ZNF326: variants seen among roughly 807,000 people sequenced by gnomAD.
ZNF326 encodes DBIRD complex subunit ZNF326.
In ZNF326, 30 loss-of-function variants were observed where a neutral mutation model predicts 63.1. The observed-to-expected ratio is 0.48, with a 90% CI of 0.36 to 0.64. The LOEUF (loss-of-function observed/expected upper bound fraction) is 0.64. Ranked by LOEUF, ZNF326 falls within the 30% of genes least tolerant of loss-of-function variation. ZNF326 has a pLI of 0.00. For synonymous variants in ZNF326, 194 were observed against 228.2 expected (o/e 0.85, Z 1.35); for missense variants, 609 against 720.3 (o/e 0.85, Z 1.77).
chr1:89,995,345 C>G, intron 1 of ZNF326, 72 bp downstream of exon 1: 1 of 1,507,254 alleles, frequency 6.6e-7, no homozygotes, highest in Non-Finnish European at 8.9e-7. Flanking sequence ...GTCTGTTTAC[C>G]GTCTCAAGAT....
intron 7 of ZNF326, among the ~76,000 whole-genome samples, chr1:90,016,909 T>C (rs939958636): frequency 6.6e-6 from 1 of 152,222 alleles, no homozygotes; most frequent in East Asian, 1.9e-4. Flanking sequence ...TATGATTGTC[T>C]GGTGGTGTGC....
intron 11 of ZNF326, among the ~76,000 whole-genome samples, chr1:90,023,594 A>AT (rs1158953663): frequency 6.6e-6 from 1 of 152,144 alleles, no homozygotes; most frequent in African/African-American, 2.4e-5. Flanking sequence ...TTGAAATCCA[A>AT]TTTTATGAGA....
chr1:90,006,354 A>T (rs1391169942), intron 4 of ZNF326: 1 of 980,830 alleles, frequency 1.0e-6, no homozygotes, highest in African/African-American at 1.7e-5. Flanking sequence ...TTATATTGTG[A>T]ATGTAATGTG....
At chr1:90,018,664 T>G (rs1311558203) in intron 8 of ZNF326, 21 bp from the exon 9 acceptor site, 5 of 1,434,726 alleles carry the variant, frequency 3.5e-6, no homozygotes, top group African/African-American at 1.4e-5. Context: ...CTATTTAGAT[T>G]CTTTCTATTT....
chr1:90,013,518 T>C (rs190147769), intron 7 of ZNF326, among the ~76,000 whole-genome samples: 62 of 152,306 alleles, frequency 4.1e-4, no homozygotes, highest in African/African-American at 1.4e-3. Flanking sequence ...TTTGACTGTA[T>C]GGAGTCATAG....
At chr1:90,017,729 C>T (rs560070110) in intron 8 of ZNF326, among the ~76,000 whole-genome samples, 1 of 152,300 alleles carries the variant, frequency 6.6e-6, no homozygotes, top group Admixed American at 6.5e-5. Context: ...AGTCAGCTAT[C>T]ATCCATTAAC....
At chr1:90,015,319 T>C (rs1649451792) in intron 7 of ZNF326, among the ~76,000 whole-genome samples, 1 of 152,140 alleles carries the variant, frequency 6.6e-6, no homozygotes, top group Non-Finnish European at 1.5e-5. Context: ...GAGATGTACA[T>C]AAATAATAGT....
intron 6 of ZNF326, among the ~76,000 whole-genome samples, chr1:90,011,861 A>T (rs902457480): frequency 1.3e-5 from 2 of 152,154 alleles, no homozygotes; most frequent in Non-Finnish European, 2.9e-5. Flanking sequence ...TTTTTGAGAC[A>T]GGATCTTACT....
At chr1:90,006,368 A>C in intron 4 of ZNF326, 3 of 982,408 alleles carry the variant, frequency 3.1e-6, no homozygotes, top group Non-Finnish European at 3.6e-6. Context: ...TAATGTGCAT[A>C]AGCTATATCC....
chr1:89,998,776 G>T (rs886896812), intron 2 of ZNF326, among the ~76,000 whole-genome samples: 1 of 152,058 alleles, frequency 6.6e-6, no homozygotes, highest in Admixed American at 6.6e-5. Context: ...TACAAAAAAA[G>T]AACACAGAAC....
At position 90,006,118 on chromosome 1, in the gene ZNF326, C is replaced by T. The variant is rs1303039655; in HGVS notation, c.209+874C>T. 4 of 985,288 alleles carry T rather than the reference C, an allele frequency of 4.1e-6. No individual in the cohort carries two copies. In the Admixed American group the frequency reaches 1.8e-4, roughly 45 times the overall value. The allele number at this position is 985,288 out of a possible 1,614,324, so 61.0% of individuals were successfully genotyped here. On this transcript the variant is annotated intron_variant, in intron 4 of 11. Transcript: ENST00000340281. ...GATGGACTGAATGATGCTTACTTTCCTTCTTTCTGCTTCCAGTGTACCACT... is the reference window on the plus strand; with the variant it reads ...GATGGACTGAATGATGCTTACTTTCTTTCTTTCTGCTTCCAGTGTACCACT...
intron 2 of ZNF326, 125 bp downstream of exon 2, chr1:89,998,279 T>TAAGACAATATTAA: frequency 1.2e-6 from 1 of 800,504 alleles, no homozygotes; most frequent in Non-Finnish European, 2.0e-6. Context: ...GTTAATATTG[T>TAAGACAATATTAA]CTTACTATAT....
chr1:90,022,530 T>C (rs1269918549), intron 11 of ZNF326, among the ~76,000 whole-genome samples, 185 bp downstream of exon 11: 2 of 152,194 alleles, frequency 1.3e-5, no homozygotes, highest in Non-Finnish European at 2.9e-5. Flanking sequence ...ATGGGAGCAG[T>C]GATTCCTCTC....
At chr1:90,017,264 CTT>C (rs1251086757) in intron 7 of ZNF326, 51 bp from the exon 8 acceptor site, 3 of 1,288,830 alleles carry the variant, frequency 2.3e-6, no homozygotes, top group African/African-American at 1.5e-5. Flanking sequence ...CTTATGAACT[CTT>C]TATAGTTGAA....
chr1:90,022,158 TA>T, intron 10 of ZNF326, 91 bp from the exon 11 acceptor site: 1 of 888,544 alleles, frequency 1.1e-6, no homozygotes, highest in Non-Finnish European at 1.8e-6. Flanking sequence ...CATTTAAATC[TA>T]AGGGTTTGAG....
chr1:90,017,804 A>G (rs1192269741), intron 8 of ZNF326, among the ~76,000 whole-genome samples: 1 of 152,184 alleles, frequency 6.6e-6, no homozygotes, highest in Non-Finnish European at 1.5e-5. Flanking sequence ...CATTTTTATC[A>G]TGAAAGATTA....
At chr1:90,024,286 A>C (rs542742804) in intron 11 of ZNF326, among the ~76,000 whole-genome samples, 1 of 152,186 alleles carries the variant, frequency 6.6e-6, no homozygotes, top group Admixed American at 6.5e-5. Context: ...TAATCAGTAC[A>C]TCAATTTCTC....
At chr1:90,022,897 C>G (rs1649842859) in intron 11 of ZNF326, among the ~76,000 whole-genome samples, 1 of 152,132 alleles carries the variant, frequency 6.6e-6, no homozygotes, top group Non-Finnish European at 1.5e-5. Context: ...TAAATCATTC[C>G]TTTTCCCTGC....
chr1:89,999,343 GGAGGGGAAGAGGGAGGGGGAGAGGGA>G (rs1459357931), intron 2 of ZNF326, among the ~76,000 whole-genome samples: 1 of 151,586 alleles, frequency 6.6e-6, no homozygotes. Context: ...AGGGAGAGGG[GGAGGGGAAGAGGGAGGGGGAGAGGGA>G]GAGAGTTTGT....
Sources: allele counts gnomAD v4.1 joint callset (sites outside exome capture counted in the v4.1 genomes callset), GRCh38; gene constraint gnomAD v4.1.1; transcripts MANE v1.5; gene names NCBI Gene and HGNC (gene_info 2026-07-23, HGNC 2026-07-21).